Variants in TMEM161B observed in about 807,000 individuals in gnomAD.
TMEM161B encodes transmembrane protein 161B.
TMEM161B carries 34 observed loss-of-function variants against 61.8 expected under a neutral mutation model. The ratio of observed to expected loss-of-function variants is 0.55; its 90% CI spans 0.42 to 0.73. The LOEUF (loss-of-function observed/expected upper bound fraction) is 0.73, where lower values mean the gene tolerates loss of function less well. Among genes scored for constraint, TMEM161B ranks in the 30% least tolerant of loss-of-function variants. The probability of loss-of-function intolerance (pLI) is 0.00; values close to 1 mark genes in which losing one functional copy is unlikely to be tolerated. For synonymous variants in TMEM161B, 167 were observed against 192.8 expected, an observed-to-expected ratio of 0.87 and a Z score of 1.11; for missense variants, 456 against 558.5, an observed-to-expected ratio of 0.82 and a Z score of 1.85.
chr5:88,266,123 T>C (rs1756344439), intron 1 of TMEM161B, among the ~76,000 whole-genome samples: 1 of 152,370 alleles, frequency 6.6e-6, no homozygotes, highest in East Asian at 1.9e-4. Context: ...CATAATCCTA[T>C]TCTCCTTCAT....
intron 5 of TMEM161B, among the ~76,000 whole-genome samples, chr5:88,213,480 C>T (rs2112473305): frequency 6.6e-6 from 1 of 152,202 alleles, no homozygotes; most frequent in South Asian, 2.1e-4. Flanking sequence ...AGCTTTCAGC[C>T]AGCCTCAACC....
intron 8 of TMEM161B, among the ~76,000 whole-genome samples, chr5:88,203,873 G>A (rs1022538329): frequency 2.8e-5 from 4 of 144,600 alleles, no homozygotes; most frequent in South Asian, 2.2e-4. Context: ...TCAGGTCTGC[G>A]CTATAACTTC....
chr5:88,244,805 TC>T (rs1753344528), intron 1 of TMEM161B, among the ~76,000 whole-genome samples: 1 of 151,888 alleles, frequency 6.6e-6, no homozygotes, highest in South Asian at 2.1e-4. Flanking sequence ...GTTTATGTTA[TC>T]TCTGATTTCT....
chr5:88,197,036 TATC>T (rs1447903831), intron 11 of TMEM161B, among the ~76,000 whole-genome samples: 1 of 152,156 alleles, frequency 6.6e-6, no homozygotes, highest in African/African-American at 2.4e-5. Flanking sequence ...CACCTATACC[TATC>T]ATCAAGTCTA....
intron 2 of TMEM161B, among the ~76,000 whole-genome samples, 157 bp from the exon 3 acceptor site, chr5:88,228,685 TAAAAGG>T (rs1349019859): frequency 6.6e-6 from 1 of 152,172 alleles, no homozygotes; most frequent in Non-Finnish European, 1.5e-5. Context: ...TCTTAAACTT[TAAAAGG>T]GTTTAGATAA....
chr5:88,243,638 T>C (rs1753109724), intron 1 of TMEM161B, among the ~76,000 whole-genome samples: 1 of 151,762 alleles, frequency 6.6e-6, no homozygotes, highest in African/African-American at 2.4e-5. Context: ...GGTCAAATGG[T>C]AATCTGTTTT....
At chr5:88,232,734 C>T (rs1019925018) in intron 2 of TMEM161B, among the ~76,000 whole-genome samples, 7 of 152,208 alleles carry the variant, frequency 4.6e-5, no homozygotes, top group East Asian at 3.9e-4. Context: ...CCACCATGTC[C>T]GGCTAATTTT....
chr5:88,245,925 C>G (rs1753548067), intron 1 of TMEM161B, among the ~76,000 whole-genome samples: 1 of 151,906 alleles, frequency 6.6e-6, no homozygotes, highest in Non-Finnish European at 1.5e-5. Flanking sequence ...CTTTAAATTA[C>G]AGTGGTATCT....
At chr5:88,259,076 A>C (rs1449219875) in intron 1 of TMEM161B, among the ~76,000 whole-genome samples, 1 of 152,140 alleles carries the variant, frequency 6.6e-6, no homozygotes, top group Non-Finnish European at 1.5e-5. Flanking sequence ...ACTAGTAGAG[A>C]AAAATCTCCC....
chr5:88,255,713 T>A (rs535602383), intron 1 of TMEM161B, among the ~76,000 whole-genome samples: 1 of 152,308 alleles, frequency 6.6e-6, no homozygotes, highest in East Asian at 1.9e-4. Context: ...TTTAATTTCC[T>A]TAAAAAGTGA....
At chr5:88,229,749 G>T (rs374974143) in intron 2 of TMEM161B, among the ~76,000 whole-genome samples, 1 of 150,272 alleles carries the variant, frequency 6.7e-6, no homozygotes, top group East Asian at 2.0e-4. Flanking sequence ...CCCAATTGCT[G>T]TTCCCCCCGT....
chr5:88,218,309 G>A (rs1452105558), intron 5 of TMEM161B, among the ~76,000 whole-genome samples: 3 of 151,930 alleles, frequency 2.0e-5, no homozygotes, highest in East Asian at 3.9e-4. Context: ...CTGTAGACAC[G>A]AATAAAATAA....
chr5:88,217,839 G>A (rs1025573330), intron 5 of TMEM161B, among the ~76,000 whole-genome samples: 16 of 147,128 alleles, frequency 1.1e-4, no homozygotes, highest in Non-Finnish European at 2.4e-4. Flanking sequence ...AGCTCTCTAA[G>A]AAAAGCCTGT....
intron 4 of TMEM161B, among the ~76,000 whole-genome samples, chr5:88,225,159 G>A (rs1161456274): frequency 6.6e-6 from 1 of 151,686 alleles, no homozygotes; most frequent in Admixed American, 6.6e-5. Context: ...AGTAGAGACG[G>A]GGTTTCACCA....
At chr5:88,192,794 T>C (rs1183883270), downstream of TMEM161B, among the ~76,000 whole-genome samples, 1 of 152,226 alleles carries the variant, frequency 6.6e-6, no homozygotes, top group Non-Finnish European at 1.5e-5. Context: ...AAGTGATGGC[T>C]CAGAAACTGT....
At chr5:88,231,029 CAA>C (rs1456893394) in intron 2 of TMEM161B, among the ~76,000 whole-genome samples, 1 of 151,988 alleles carries the variant, frequency 6.6e-6, no homozygotes, top group African/African-American at 2.4e-5. Flanking sequence ...TAATGAAACT[CAA>C]AAAAACTCTG....
chr5:88,227,847 G>A (rs1750317650), intron 3 of TMEM161B, among the ~76,000 whole-genome samples: 1 of 152,128 alleles, frequency 6.6e-6, no homozygotes, highest in African/African-American at 2.4e-5. Context: ...TTTAAATAGA[G>A]ATATAAAATC....
intron 5 of TMEM161B, among the ~76,000 whole-genome samples, chr5:88,217,341 A>C (rs1349488233): frequency 1.3e-5 from 2 of 152,206 alleles, no homozygotes; most frequent in African/African-American, 2.4e-5. Context: ...TGGTAAAGGA[A>C]TCTGGCTTTA....
chr5:88,229,511 A>G (rs916278181), intron 2 of TMEM161B, among the ~76,000 whole-genome samples: 5 of 150,506 alleles, frequency 3.3e-5, no homozygotes, highest in Non-Finnish European at 5.9e-5. Flanking sequence ...TTTATCTTAC[A>G]GAAAGGTGGA....
Sources: gnomAD v4.1 joint callset for allele counts (sites outside exome capture counted in the v4.1 genomes callset) on GRCh38, gnomAD v4.1.1 for gene constraint, MANE v1.5 for transcripts, NCBI Gene and HGNC (gene_info 2026-07-23, HGNC 2026-07-21) for gene names.